Variants in SEPTIN9 observed in about 807,000 individuals in gnomAD.
SEPTIN9 encodes septin 9, also known as septin-9.
A neutral mutation model predicts 56.6 loss-of-function variants in SEPTIN9; 13 were observed. The ratio of observed to expected loss-of-function variants is 0.23; its 90% CI spans 0.15 to 0.37. The LOEUF is 0.37. SEPTIN9 is among the 10% of genes least tolerant of loss of function. SEPTIN9 has a pLI of 1.00. For missense variants in SEPTIN9, 650 were observed against 823.1 expected, an observed-to-expected ratio of 0.79 and a Z score of 2.57; for synonymous variants, 332 against 334.1, an observed-to-expected ratio of 0.99 and a Z score of 0.07.
At chr17:77,306,906 T>C (rs564353700) in intron 1 of SEPTIN9, among the ~76,000 whole-genome samples, 5 of 152,018 alleles carry the variant, frequency 3.3e-5, no homozygotes, top group Admixed American at 6.5e-5. Flanking sequence ...TGGGGGAGGA[T>C]GTGTGTGAAG....
intron 3 of SEPTIN9, chr17:77,472,398 C>T (rs901535884): frequency 3.9e-5 from 6 of 152,318 alleles, no homozygotes; most frequent in Non-Finnish European, 8.8e-5. Flanking sequence ...GACCCCCGCC[C>T]CCTGCCTCGG....
intron 3 of SEPTIN9, among the ~76,000 whole-genome samples, chr17:77,479,711 G>C (rs939578795): frequency 6.9e-6 from 1 of 145,648 alleles, no homozygotes; most frequent in East Asian, 2.0e-4. Flanking sequence ...CGTTGGGGGC[G>C]AGAAAGGAGA....
chr17:77,307,087 G>C, intron 1 of SEPTIN9, 54 bp from the exon 2 acceptor site: 1 of 1,529,172 alleles, frequency 6.5e-7, no homozygotes, highest in Non-Finnish European at 9.1e-7. Flanking sequence ...CATCCACCCG[G>C]AGGGAGAGCG....
At chr17:77,294,144 C>T (rs1039614522) in intron 1 of SEPTIN9, among the ~76,000 whole-genome samples, 9 of 148,886 alleles carry the variant, frequency 6.0e-5, no homozygotes, top group Non-Finnish European at 1.0e-4. Flanking sequence ...ATAGGCTGGG[C>T]GTGGTGGCTC....
At chr17:77,408,250 G>A (rs2036161909) in intron 3 of SEPTIN9, among the ~76,000 whole-genome samples, 1 of 152,222 alleles carries the variant, frequency 6.6e-6, no homozygotes, top group Admixed American at 6.5e-5. Flanking sequence ...GAGGTGGCTG[G>A]GGGCTGAGCT....
At chr17:77,465,452 G>A (rs543475228) in intron 3 of SEPTIN9, among the ~76,000 whole-genome samples, 1 of 152,166 alleles carries the variant, frequency 6.6e-6, no homozygotes, top group Non-Finnish European at 1.5e-5. Flanking sequence ...GGCCAGCCAG[G>A]TGCTGCGAGT....
chr17:77,344,373 G>T (rs1023526969), intron 2 of SEPTIN9, among the ~76,000 whole-genome samples: 2 of 152,216 alleles, frequency 1.3e-5, no homozygotes, highest in Non-Finnish European at 2.9e-5. Context: ...TGTTGGCAAG[G>T]ATATGGAGAA....
Position 77,405,573 on chromosome 17 carries a change from G to A in SEPTIN9, c.721+2870G>A, listed in dbSNP as rs952898155. Among the ~76,000 whole-genome samples the A allele has an allele frequency of 6.6e-6, 1 of 152,216 alleles. No homozygotes were observed. Among genetic ancestry groups the A allele is most frequent in the Non-Finnish European group, 1.5e-5 (1 of 68,034 alleles). On this transcript the variant is annotated intron_variant, in intron 3 of 11. Transcript: ENST00000427177. The surrounding 1 kb of genome is among the most constrained non-coding windows in gnomAD (Gnocchi z 5.8). ...CCAGCTCACGTGGAGAGGTCCGTGGGCTGGGCTGACAGTCCTGAGGGCCTA... is the reference window on the plus strand; with the variant it reads ...CCAGCTCACGTGGAGAGGTCCGTGGACTGGGCTGACAGTCCTGAGGGCCTA...
At chr17:77,463,467 T>C (rs2038573632) in intron 3 of SEPTIN9, among the ~76,000 whole-genome samples, 1 of 152,192 alleles carries the variant, frequency 6.6e-6, no homozygotes, top group African/African-American at 2.4e-5. Flanking sequence ...CACATCACTC[T>C]AGTATATCGA....
In SEPTIN9 at chr17:77,451,571, C is replaced by T. The variant is rs374945609; in HGVS notation, c.722-30573C>T. The T allele has an allele frequency of 1.0e-6, 1 of 984,156 alleles. No homozygotes were observed. Among genetic ancestry groups the T allele is most frequent in the Non-Finnish European group, 1.2e-6 (1 of 828,876 alleles). 61.0% of individuals were successfully genotyped at this position (984,156 alleles called of 1,614,324 possible). ...GTTCTTCCCAGCCTTGCACCACTGG[C>T]TCGGGGGCTCTCAGGTGGCGCGGCC... On this transcript the variant is annotated intron_variant, in intron 3 of 11. Coordinates refer to ENST00000427177, the MANE Select transcript of SEPTIN9 (RefSeq NM_001113491.2). This position sits in a 1 kb window ranked among gnomAD's most constrained non-coding sequence, Gnocchi z 4.2.
intron 3 of SEPTIN9, among the ~76,000 whole-genome samples, chr17:77,428,626 G>A (rs1423139635): frequency 6.6e-6 from 1 of 152,224 alleles, no homozygotes; most frequent in Non-Finnish European, 1.5e-5. Flanking sequence ...TGCAGATGTA[G>A]TCCAGAGAGG....
In SEPTIN9 at chr17:77,435,359, C is replaced by T. The variant is rs1028248053; in HGVS notation, c.721+32656C>T. Among the ~76,000 whole-genome samples, 5 of 152,178 alleles carry T rather than the reference C, an allele frequency of 3.3e-5. No homozygotes were observed. The highest frequency in any genetic ancestry group is 5.9e-5 in the Non-Finnish European group (4 of 68,020). On this transcript the variant is annotated intron_variant, in intron 3 of 11. Coordinates refer to ENST00000427177, the MANE Select transcript of SEPTIN9 (RefSeq NM_001113491.2). This position sits in a 1 kb window ranked among gnomAD's most constrained non-coding sequence, Gnocchi z 4.5. ...AGTGGCAGAGCTGAGCAGTGTCTCC[C>T]ATGCCCTGATTCTGTGGCTTCTTGA...
Position 77,311,219 on chromosome 17 carries a change from GA to G in SEPTIN9, c.76+4023del, listed in dbSNP as rs1326353096. Among the ~76,000 whole-genome samples, 596 of 131,940 alleles carry G rather than the reference GA, an allele frequency of 4.5e-3. 6 individuals are homozygous for G. Among genetic ancestry groups the G allele is most frequent in the African/African-American group, 0.018 (498 of 27,468 alleles). 86.6% of individuals were successfully genotyped at this position (131,940 alleles called of 152,430 possible). ...GAGCGTCTGGGAAGAGGCAAGGAAG[GA>G]CCCCCCCCCCACCCCACCCCAGAGC... On this transcript the variant is annotated intron_variant, in intron 2 of 11. Coordinates refer to ENST00000427177, the MANE Select transcript of SEPTIN9 (RefSeq NM_001113491.2).
intron 3 of SEPTIN9, among the ~76,000 whole-genome samples, chr17:77,414,858 G>C (rs544455979): frequency 6.6e-6 from 1 of 152,152 alleles, no homozygotes; most frequent in Non-Finnish European, 1.5e-5. Flanking sequence ...AATTACAGGC[G>C]TGAGCTACTG....
At chr17:77,307,071 G>A (rs1008367375) in intron 1 of SEPTIN9, 70 bp from the exon 2 acceptor site, 1 of 1,412,004 alleles carries the variant, frequency 7.1e-7, no homozygotes, top group African/African-American at 1.4e-5. Context: ...CATTCCTGGT[G>A]TTAATCATCC....
chr17:77,479,258 A>G (rs777742690), intron 3 of SEPTIN9, among the ~76,000 whole-genome samples: 11 of 152,204 alleles, frequency 7.2e-5, no homozygotes, highest in Non-Finnish European at 1.6e-4. Context: ...GGAGTGGGTG[A>G]TCTTTACCAT....
intron 3 of SEPTIN9, among the ~76,000 whole-genome samples, chr17:77,452,791 T>C (rs2038034607): frequency 6.6e-6 from 1 of 151,486 alleles, no homozygotes; most frequent in Non-Finnish European, 1.5e-5. Context: ...TTTCCATGAA[T>C]GTCATTCTCT....
intron 2 of SEPTIN9, among the ~76,000 whole-genome samples, chr17:77,356,670 C>CCCCTCCCCTCCCCCT (rs2034255873): frequency 1.7e-4 from 1 of 5,770 alleles, no homozygotes; most frequent in African/African-American, 8.5e-4. Flanking sequence ...TGCTTTCCCT[C>CCCCTCCCCTCCCCCT]CCCCTCCCCT....
Position 77,318,083 on chromosome 17 carries a change from A to C in SEPTIN9, c.76+10886A>C. Among the ~76,000 whole-genome samples, 1 of 151,964 alleles carries C rather than the reference A, an allele frequency of 6.6e-6. No homozygotes were observed. Among genetic ancestry groups the C allele is most frequent in the Non-Finnish European group, 1.5e-5 (1 of 67,980 alleles). On this transcript the variant is annotated intron_variant, in intron 2 of 11. Coordinates refer to ENST00000427177, the MANE Select transcript of SEPTIN9 (RefSeq NM_001113491.2). The surrounding 1 kb of genome is among the most constrained non-coding windows in gnomAD (Gnocchi z 4.9). The stretch of plus-strand genomic sequence containing the variant: ...TAAAATAAAATAAAATAATAAATAT[A>C]ATACACTTGAATCATCTCAAAACCA...
Sources: gnomAD v4.1 joint callset for allele counts (sites outside exome capture counted in the v4.1 genomes callset) on GRCh38, gnomAD v4.1.1 for gene constraint, Gnocchi (gnomAD v3.1) non-coding constraint, MANE v1.5 for transcripts, NCBI Gene and HGNC (gene_info 2026-07-23, HGNC 2026-07-21) for gene names.